Variants in FREM1 observed in about 807,000 individuals in gnomAD.
The protein encoded by FREM1 is FRAS1-related extracellular matrix protein 1.
Under a neutral mutation model 210.1 loss-of-function variants are expected in FREM1, and 220 were observed. That is an observed-to-expected ratio of 1.05 (90% confidence interval 0.94 to 1.17). The LOEUF is 1.17. Ranked by LOEUF, FREM1 falls within the 50% of genes most tolerant of loss-of-function variation. The pLI is 0.00. For synonymous variants in FREM1, 1,189 were observed against 980.2 expected, an observed-to-expected ratio of 1.21 and a Z score of -3.98; for missense variants, 3,454 against 2,675.5, an observed-to-expected ratio of 1.29 and a Z score of -6.42.
chr9:14,766,764 A>G (rs1302975762), intron 27 of FREM1, among the ~76,000 whole-genome samples: 7 of 152,116 alleles, frequency 4.6e-5, no homozygotes, highest in Non-Finnish European at 1.0e-4. Flanking sequence ...CCCTTCAAAT[A>G]TGGGGAATAT....
chr9:14,898,462 C>A (rs1564196459), intron 1 of FREM1, among the ~76,000 whole-genome samples: 1 of 152,208 alleles, frequency 6.6e-6, no homozygotes, highest in Non-Finnish European at 1.5e-5. Flanking sequence ...TAGAATGCAG[C>A]CGGGTGTGGT....
At chr9:14,860,761 G>A (rs1195779698) in intron 3 of FREM1, among the ~76,000 whole-genome samples, 883 of 66,420 alleles carry the variant, frequency 0.013, 38 homozygotes, top group East Asian at 0.026. Flanking sequence ...ACATATATAT[G>A]CACATATATA....
At position 14,753,432 on chromosome 9, in the gene FREM1, A is replaced by C. The variant is rs1360770799; in HGVS notation, c.5407+2942T>G. On this transcript the variant is annotated intron_variant, in intron 29 of 36. Coordinates refer to ENST00000380880, the MANE Select transcript of FREM1 (RefSeq NM_001379081.2). ...TTTAAAGGAAAACAATCATTTTCTT[A>C]GGAGTATTTTTATATCCACTCAAGA... 2.6e-5 allele frequency among the ~76,000 whole-genome samples: 4 copies of C among 152,234 alleles called. No individual in the cohort carries two copies. In the East Asian group the frequency reaches 7.7e-4, roughly 29 times the overall value.
intron 5 of FREM1, among the ~76,000 whole-genome samples, chr9:14,857,337 G>C (rs957080425): frequency 6.6e-6 from 1 of 152,180 alleles, no homozygotes; most frequent in African/African-American, 2.4e-5. Context: ...GGTGGACCTA[G>C]AAGAGAACCA....
rs1006003666 is a variant in FREM1 at position 14,900,174 on chromosome 9, C to T, written c.-268+9740G>A. Among the ~76,000 whole-genome samples, 6 of 152,284 alleles carry T rather than the reference C, an allele frequency of 3.9e-5. No homozygotes were observed. In the East Asian group the frequency reaches 1.2e-3, roughly 29 times the overall value. On this transcript the variant is annotated intron_variant, in intron 1 of 36. Transcript: ENST00000380880. ...GGAAACACACCAAGATGAGTTGCCT[C>T]CTTCATCTAGAGGACCCCCTCTTCA...
In FREM1 at chr9:14,828,643, C is replaced by A. The variant is rs2779506; in HGVS notation, c.1882-3651G>T. Among the ~76,000 whole-genome samples, 12 of 53,982 alleles carry A rather than the reference C, an allele frequency of 2.2e-4. 1 individual carries two copies. Among genetic ancestry groups the A allele is most frequent in the Admixed American group, 7.0e-4 (3 of 4,276 alleles). 35.4% of individuals were successfully genotyped at this position (53,982 alleles called of 152,430 possible). On this transcript the variant is annotated intron_variant, in intron 10 of 36. Coordinates refer to ENST00000380880, the MANE Select transcript of FREM1 (RefSeq NM_001379081.2). ...GAGAAGAACATAAATTGTGGCGGGG[C>A]GGGGGAGGTGCCGGGGTAGAATGTT...
At chr9:14,894,039 A>T (rs1447912058) in intron 1 of FREM1, among the ~76,000 whole-genome samples, 2 of 152,226 alleles carry the variant, frequency 1.3e-5, no homozygotes, top group African/African-American at 4.8e-5. Flanking sequence ...AAACTGATTA[A>T]GATTAAATAC....
intron 28 of FREM1, 85 bp downstream of exon 28, chr9:14,759,687 T>A (rs1448661513): frequency 7.6e-6 from 10 of 1,316,072 alleles, no homozygotes; most frequent in Non-Finnish European, 1.0e-6. Context: ...TTGGTCACTC[T>A]GAATTTTTCT....
intron 30 of FREM1, among the ~76,000 whole-genome samples, chr9:14,749,144 T>C (rs1002787327): frequency 6.6e-6 from 1 of 152,174 alleles, no homozygotes; most frequent in African/African-American, 2.4e-5. Context: ...CGGCTCCTAT[T>C]GGAAACCTCA....
Position 14,748,468 on chromosome 9 carries a change from G to T in FREM1, c.5729C>A (p.Thr1910Asn). The T allele has an allele frequency of 6.2e-7, 1 of 1,613,800 alleles. No homozygotes were observed. ...SMQLAVIRGD[T>N]LRGFDSTDLS... Reference sequence around the variant, plus strand: ...ATCTGTAGAATCAAAGCCCCGCAGGGTGTCTCCCCTGATGACTGCTAGCTG... The same window carrying T: ...ATCTGTAGAATCAAAGCCCCGCAGGTTGTCTCCCCTGATGACTGCTAGCTG... The change falls in exon 31 of 37, where the codon ACC (threonine) becomes AAC (asparagine). Residue 1910 changes from threonine (T) to asparagine (N), a missense_variant. Thr to Asn is a moderately conservative substitution (Grantham distance 65). Coordinates refer to ENST00000380880, the MANE Select transcript of FREM1 (RefSeq NM_001379081.2).
At chr9:14,856,804 C>G (rs993019197) in intron 5 of FREM1, among the ~76,000 whole-genome samples, 15 of 149,482 alleles carry the variant, frequency 1.0e-4, no homozygotes, top group Non-Finnish European at 2.1e-4. Context: ...CTACTGCACT[C>G]CAGCCTGGGC....
chr9:14,886,124 C>T (rs926255273), intron 1 of FREM1, among the ~76,000 whole-genome samples: 37 of 152,246 alleles, frequency 2.4e-4, no homozygotes, highest in Admixed American at 2.4e-3. Flanking sequence ...CGGTGGCTCA[C>T]GCCTGTAATC....
chr9:14,776,245 T>A, intron 24 of FREM1, 42 bp from the exon 25 acceptor site: 2 of 1,502,332 alleles, frequency 1.3e-6, no homozygotes, highest in Non-Finnish European at 8.9e-7. Context: ...TGGATTCTTG[T>A]GTCACCATCT....
intron 15 of FREM1, among the ~76,000 whole-genome samples, chr9:14,815,671 A>G (rs1422078624): frequency 6.6e-6 from 1 of 152,098 alleles, no homozygotes; most frequent in Non-Finnish European, 1.5e-5. Flanking sequence ...TTTTTGAGTC[A>G]GAGTCTCGCT....
chr9:14,904,868 T>C (rs955771936), intron 1 of FREM1, among the ~76,000 whole-genome samples: 1 of 152,152 alleles, frequency 6.6e-6, no homozygotes, highest in African/African-American at 2.4e-5. Flanking sequence ...ACTCACCATA[T>C]TGCCAACCCC....
chr9:14,838,653 A>G (rs892285826), intron 10 of FREM1, among the ~76,000 whole-genome samples: 8 of 152,160 alleles, frequency 5.3e-5, no homozygotes, highest in African/African-American at 1.9e-4. Flanking sequence ...GTTTCAGTAA[A>G]TGTTGAAAGA....
intron 27 of FREM1, among the ~76,000 whole-genome samples, chr9:14,762,720 C>T (rs1204189666): frequency 1.3e-5 from 2 of 150,986 alleles, no homozygotes; most frequent in Non-Finnish European, 2.9e-5. Flanking sequence ...GACCTGCATA[C>T]CCACAGAATA....
intron 10 of FREM1, among the ~76,000 whole-genome samples, chr9:14,827,041 G>T (rs1244799810): frequency 2.0e-5 from 3 of 152,226 alleles, no homozygotes; most frequent in South Asian, 2.1e-4. Context: ...AAATGTGGAA[G>T]TAGCTTTAGA....
chr9:14,748,680 A>T (rs766955679), intron 30 of FREM1, 41 bp from the exon 31 acceptor site: 83 of 1,283,292 alleles, frequency 6.5e-5, no homozygotes, highest in Non-Finnish European at 8.8e-5. Flanking sequence ...TTCATTTTAC[A>T]CAAACAGATA....
Sources: allele counts gnomAD v4.1 joint callset (sites outside exome capture counted in the v4.1 genomes callset), GRCh38; gene constraint gnomAD v4.1.1; transcripts MANE v1.5; gene names NCBI Gene and HGNC (gene_info 2026-07-23, HGNC 2026-07-21).